Variants in FNIP2 observed in about 807,000 individuals in gnomAD.
FNIP2 encodes folliculin-interacting protein 2.
In FNIP2, 32 loss-of-function variants were observed where a neutral mutation model predicts 108.7. The observed-to-expected ratio is 0.29, with a 90% CI of 0.22 to 0.40. FNIP2 has a LOEUF of 0.40. FNIP2 is among the 10% of genes least tolerant of loss of function. The probability of loss-of-function intolerance (pLI) is 1.00; values close to 1 mark genes in which losing one functional copy is unlikely to be tolerated. For missense variants in FNIP2, 1,202 were observed against 1,381.6 expected (o/e 0.87, Z 2.06); for synonymous variants, 480 against 496.7 (o/e 0.97, Z 0.45).
At chr4:158,771,214 C>T (rs1775687553) in intron 1 of FNIP2, among the ~76,000 whole-genome samples, 1 of 152,014 alleles carries the variant, frequency 6.6e-6, no homozygotes, top group Non-Finnish European at 1.5e-5. Context: ...TGATGAGGGC[C>T]CCCTTCAATA....
intron 12 of FNIP2, 149 bp downstream of exon 12, chr4:158,861,925 A>G (rs1780323064): frequency 3.2e-6 from 3 of 939,158 alleles, no homozygotes; most frequent in Non-Finnish European, 4.8e-6. Context: ...CCTGGATTCT[A>G]ATTGTAGACC....
At chr4:158,818,105 T>C (rs1235886744) in intron 1 of FNIP2, among the ~76,000 whole-genome samples, 1 of 152,274 alleles carries the variant, frequency 6.6e-6, no homozygotes, top group East Asian at 1.9e-4. Flanking sequence ...ATTCTGTCTT[T>C]TCCTCTCTGT....
At chr4:158,816,384 A>G (rs964023220) in intron 1 of FNIP2, among the ~76,000 whole-genome samples, 4 of 152,222 alleles carry the variant, frequency 2.6e-5, no homozygotes, top group Admixed American at 6.5e-5. Context: ...ATATGAAATC[A>G]TCTTGATGCA....
At chr4:158,859,440 G>T in intron 9 of FNIP2, 138 bp from the exon 10 acceptor site, 3 of 1,022,374 alleles carry the variant, frequency 2.9e-6, no homozygotes, top group Non-Finnish European at 4.3e-6. Flanking sequence ...GGAAGGAAAT[G>T]ACTGCTTTTT....
At chr4:158,892,577 G>C (rs1782352363) in intron 15 of FNIP2, among the ~76,000 whole-genome samples, 1 of 152,080 alleles carries the variant, frequency 6.6e-6, no homozygotes, top group Non-Finnish European at 1.5e-5. Context: ...AGAGAGGGAG[G>C]GGGAAAGGTT....
chr4:158,902,468 A>T (rs1729405265), intron 16 of FNIP2, among the ~76,000 whole-genome samples: 1 of 152,162 alleles, frequency 6.6e-6, no homozygotes, highest in South Asian at 2.1e-4. Context: ...GGGGTCAGGG[A>T]TCCACTTGAG....
intron 7 of FNIP2, among the ~76,000 whole-genome samples, chr4:158,837,210 C>G (rs1329655525): frequency 6.6e-6 from 1 of 152,172 alleles, no homozygotes; most frequent in Non-Finnish European, 1.5e-5. Context: ...CCCCTAGAAC[C>G]AAGATCACTC....
At chr4:158,797,618 C>G (rs1301613041) in intron 1 of FNIP2, among the ~76,000 whole-genome samples, 2 of 152,076 alleles carry the variant, frequency 1.3e-5, no homozygotes, top group African/African-American at 4.8e-5. Flanking sequence ...GAGGATTGTT[C>G]GAGCCTAGAG....
At chr4:158,836,958 G>T (rs1380315537) in intron 7 of FNIP2, among the ~76,000 whole-genome samples, 1 of 152,198 alleles carries the variant, frequency 6.6e-6, no homozygotes, top group Non-Finnish European at 1.5e-5. Flanking sequence ...CTGTTTAATG[G>T]TGCTGAAGAT....
chr4:158,798,114 AAGCGCAGTGGTGTGATTAT>A (rs1417263497), intron 1 of FNIP2, among the ~76,000 whole-genome samples: 1 of 151,968 alleles, frequency 6.6e-6, no homozygotes, highest in Non-Finnish European at 1.5e-5. Context: ...ACTCAAGCCA[AAGCGCAGTGGTGTGATTAT>A]AGCTCACCGC....
chr4:158,865,199 T>C (rs1334503192), intron 12 of FNIP2, among the ~76,000 whole-genome samples: 1 of 152,208 alleles, frequency 6.6e-6, no homozygotes, highest in Non-Finnish European at 1.5e-5. Context: ...TAACAACATT[T>C]ATTATCTTAA....
chr4:158,864,758 CT>C (rs1265124722), intron 12 of FNIP2, among the ~76,000 whole-genome samples: 7 of 152,188 alleles, frequency 4.6e-5, no homozygotes, highest in African/African-American at 1.7e-4. Context: ...CTTCCTCCCT[CT>C]TTGTTTTCTT....
chr4:158,894,186 T>TG (rs1267912144), intron 15 of FNIP2, among the ~76,000 whole-genome samples: 1 of 151,492 alleles, frequency 6.6e-6, no homozygotes, highest in African/African-American at 2.4e-5. Flanking sequence ...TTTTTTTTTT[T>TG]TTGAGACAGA....
At chr4:158,807,041 TTTA>T (rs1777006121) in intron 1 of FNIP2, among the ~76,000 whole-genome samples, 1 of 152,216 alleles carries the variant, frequency 6.6e-6, no homozygotes. Context: ...ATTTATTAAT[TTTA>T]TTATTAGTGG....
intron 15 of FNIP2, among the ~76,000 whole-genome samples, chr4:158,892,078 T>A (rs1212766945): frequency 1.3e-5 from 2 of 151,982 alleles, no homozygotes; most frequent in East Asian, 1.9e-4. Context: ...ATCATTTGTG[T>A]AAACATTTCC....
chr4:158,890,492 A>C (rs1578987620), intron 14 of FNIP2: 1 of 332,134 alleles, frequency 3.0e-6, no homozygotes, highest in Non-Finnish European at 4.3e-6. Flanking sequence ...ACCTGTTAAA[A>C]TTACAGTATT....
intron 7 of FNIP2, among the ~76,000 whole-genome samples, chr4:158,846,444 G>A (rs1051159423): frequency 3.3e-5 from 5 of 152,124 alleles, no homozygotes; most frequent in African/African-American, 4.8e-5. Flanking sequence ...GAGCTGACAC[G>A]TTAAGTAAAC....
At chr4:158,805,213 A>G (rs1339746914) in intron 1 of FNIP2, among the ~76,000 whole-genome samples, 3 of 152,242 alleles carry the variant, frequency 2.0e-5, no homozygotes, top group African/African-American at 7.2e-5. Flanking sequence ...TTAGGAATCC[A>G]TTAATGTTTT....
chr4:158,774,528 A>G (rs1357277862), intron 1 of FNIP2, among the ~76,000 whole-genome samples: 2 of 152,234 alleles, frequency 1.3e-5, no homozygotes, highest in Non-Finnish European at 2.9e-5. Flanking sequence ...CTTCATCAAA[A>G]TAACTGTTAG....
Sources: allele counts gnomAD v4.1 joint callset (sites outside exome capture counted in the v4.1 genomes callset), GRCh38; gene constraint gnomAD v4.1.1; transcripts MANE v1.5; gene names NCBI Gene and HGNC (gene_info 2026-07-23, HGNC 2026-07-21).